USP53: variants seen among roughly 807,000 people sequenced by gnomAD.
The protein encoded by USP53 is ubiquitin specific peptidase 53, also known as ubiquitin carboxyl-terminal hydrolase 53.
USP53 carries 71 observed loss-of-function variants against 94.9 expected under a neutral mutation model. The ratio of observed to expected loss-of-function variants is 0.75; its 90% CI spans 0.62 to 0.91. USP53 has a LOEUF of 0.91. Among genes scored for constraint, USP53 ranks in the 40% least tolerant of loss-of-function variants. USP53 has a pLI of 0.00. For missense variants in USP53, 1,173 were observed against 1,281.0 expected (o/e 0.92, Z 1.29); for synonymous variants, 375 against 422.7 (o/e 0.89, Z 1.39).
intron 11 of USP53, among the ~76,000 whole-genome samples, chr4:119,260,952 T>C (rs377483851): frequency 1.7e-3 from 1 of 584 alleles, no homozygotes; most frequent in Admixed American, 0.021. Flanking sequence ...ATCTCTCTCT[T>C]TTTTTTTTTT....
rs776731183 is a variant in USP53 at position 119,267,440 on chromosome 4, G to T, written c.1093G>T (p.Val365Phe). 4 of 1,613,690 alleles carry T rather than the reference G, an allele frequency of 2.5e-6. No individual in the cohort carries two copies. The highest frequency in any genetic ancestry group is 3.4e-6 in the Non-Finnish European group (4 of 1,179,910). ...TTCTACTGAGGATGCACTCAGGCAG[G>T]TCATCAGCTGGTCACATTACAAATC... ...AVSTEDALRQ[V>F]ISWSHYKSVA... is the part of the protein sequence containing the mutation. Residue 365 changes from valine to phenylalanine, a missense_variant, in exon 13 of 19, where the codon GTC becomes TTC. Transcript: ENST00000692078.
intron 5 of USP53, among the ~76,000 whole-genome samples, chr4:119,241,452 T>C (rs866445150): frequency 1.3e-5 from 2 of 152,174 alleles, no homozygotes; most frequent in Non-Finnish European, 2.9e-5. Flanking sequence ...GAAAAAGATC[T>C]GTATTTCACC....
intron 16 of USP53, chr4:119,273,391 A>G (rs995820560): frequency 5.7e-6 from 2 of 348,640 alleles, no homozygotes; most frequent in African/African-American, 4.2e-5. Context: ...TAGTAGAAAG[A>G]TCAGGACTTT....
Position 119,292,845 on chromosome 4 carries a change from T to C in USP53, c.2856T>C (p.Phe952=), listed in dbSNP as rs1374445333. ...STPDVKLTEV[F]KATSHLPKHS... ...CTGATGTCAAACTTACAGAGGTGTT[T>C]AAAGCTACCTCTCATCTTCCGAAGC... is the stretch of plus-strand genomic sequence containing the variant. Residue 952 remains phenylalanine (F), a synonymous_variant, in exon 19 of 19, where the codon TTT becomes TTC. Transcript: ENST00000692078. The C allele has an allele frequency of 1.9e-6, 3 of 1,614,118 alleles. No homozygotes were observed. Among genetic ancestry groups the C allele is most frequent in the Non-Finnish European group, 2.5e-6 (3 of 1,179,976 alleles).
At chr4:119,236,596 C>T (rs142983747) in intron 4 of USP53, among the ~76,000 whole-genome samples, 1 of 152,244 alleles carries the variant, frequency 6.6e-6, no homozygotes, top group Non-Finnish European at 1.5e-5. Flanking sequence ...ACAATGTGCA[C>T]AGCATCTTCA....
At position 119,269,753 on chromosome 4, in the gene USP53, A is replaced by G; in HGVS notation, c.1351A>G (p.Lys451Glu). ...AGACATTTCCAGAGAATGTGCTCTG[A>G]AAGCTATTGAACAGAAAAACTTACT... is the stretch of plus-strand genomic sequence containing the variant. The part of the protein sequence containing the change: ...IKDISRECAL[K>E]AIEQKNLLSS... The change falls in exon 15 of 19, where the codon AAA (lysine) becomes GAA (glutamate). Residue 451 changes from lysine to glutamate, a missense_variant. By Grantham distance (56) the Lys-to-Glu change is moderately conservative. Coordinates refer to ENST00000692078, the MANE Select transcript of USP53 (RefSeq NM_001371395.1). The G allele has an allele frequency of 6.6e-7, 1 of 1,511,918 alleles. No individual in the cohort carries two copies. The highest frequency in any genetic ancestry group is 8.8e-7 in the Non-Finnish European group (1 of 1,131,682). 93.7% of individuals were successfully genotyped at this position (1,511,918 alleles called of 1,614,324 possible).
intron 6 of USP53, among the ~76,000 whole-genome samples, chr4:119,247,932 G>A (rs978993020): frequency 2.6e-5 from 4 of 151,742 alleles, no homozygotes; most frequent in Admixed American, 1.3e-4. Context: ...TTGCTGTAGT[G>A]AAACAGATTT....
Position 119,295,309 on chromosome 4 carries a change from CA to C in USP53, c.*2099del, listed in dbSNP as rs1755154947. On this transcript the variant is annotated 3_prime_UTR_variant, in exon 19 of 19. Transcript: ENST00000692078. ...TACAGATTGATACATATATACTAATCATTTTATTTCATGTAAAAGTTTTACA... is the reference window on the plus strand; with the variant it reads ...TACAGATTGATACATATATACTAATCTTTTATTTCATGTAAAAGTTTTACA... 1 of 151,946 alleles carries C rather than the reference CA, an allele frequency of 6.6e-6. No individual in the cohort carries two copies. The highest frequency in any genetic ancestry group is 1.5e-5 in the Non-Finnish European group (1 of 67,988). 9.4% of individuals were successfully genotyped at this position (151,946 alleles called of 1,614,324 possible). A position where few individuals can be genotyped will look rare whatever the true frequency, so the allele number is the denominator to read the frequency against.
chr4:119,292,661 T>C lies in USP53; in HGVS notation c.2672T>C (p.Phe891Ser), dbSNP rs990708460. Residue 891 changes from phenylalanine (F) to serine (S), a missense_variant, in exon 19 of 19, where the codon TTT (phenylalanine) becomes TCT (serine). Transcript: ENST00000692078. ...QQQNIMDQCY[F>S]ENSLSTECII... is the part of the protein sequence containing the mutation. ...CAAAATATCATGGATCAATGTTACT[T>C]TGAGAACTCTCTATCCACAGAATGT... 5 of 1,614,006 alleles carry C rather than the reference T, an allele frequency of 3.1e-6. No homozygotes were observed. Among genetic ancestry groups the C allele is most frequent in the Non-Finnish European group, 4.2e-6 (5 of 1,179,880 alleles).
Position 119,292,681 on chromosome 4 carries a change from G to C in USP53, c.2692G>C (p.Glu898Gln), listed in dbSNP as rs781676661. ...TTACTTTGAGAACTCTCTATCCACAGAATGTATAATTCGGTCAGCCAGCAG... is the reference window on the plus strand; with the variant it reads ...TTACTTTGAGAACTCTCTATCCACACAATGTATAATTCGGTCAGCCAGCAG... ...QCYFENSLST[E>Q]CIIRSASRSD... is the part of the protein sequence containing the mutation. The change falls in exon 19 of 19, where the codon GAA (glutamate) becomes CAA (glutamine). Residue 898 changes from glutamate (E) to glutamine (Q), a missense_variant. Transcript: ENST00000692078. 4.2e-5 allele frequency: 68 copies of C among 1,613,946 alleles called. No homozygotes were observed. The highest frequency in any genetic ancestry group is 5.3e-5 in the Non-Finnish European group (63 of 1,179,984).
intron 17 of USP53, among the ~76,000 whole-genome samples, chr4:119,289,200 T>A (rs371068058): frequency 6.6e-6 from 1 of 152,156 alleles, no homozygotes; most frequent in Admixed American, 6.6e-5. Flanking sequence ...AACAAAAAGA[T>A]GTGCAAATGA....
intron 2 of USP53, among the ~76,000 whole-genome samples, chr4:119,216,323 G>A (rs1380500394): frequency 1.3e-5 from 2 of 151,646 alleles, no homozygotes; most frequent in African/African-American, 2.4e-5. Context: ...GGAGGTTGCA[G>A]TTAGCTGAGA....
rs1169673473 is a variant in USP53, at chr4:119,271,437, G to A, written c.1577G>A (p.Arg526Gln). 3.1e-6 allele frequency: 5 copies of A among 1,613,732 alleles called. No individual in the cohort carries two copies. In the East Asian group the frequency reaches 8.9e-5, roughly 29 times the overall value. ...CATGACCGAGTTGTACCTCAGAGTC[G>A]AGCTTCTGCACAAATAATAAGTTCA... ...YKHDRVVPQS[R>Q]ASAQIISSSK... The change falls in exon 16 of 19, where the codon CGA (arginine) becomes CAA (glutamine). Residue 526 changes from arginine (R) to glutamine (Q), a missense_variant. By Grantham distance (43) the Arg-to-Gln change is conservative (BLOSUM62 1). Transcript: ENST00000692078.
Position 119,292,323 on chromosome 4 carries a change from A to G in USP53, c.2349-15A>G, listed in dbSNP as rs781219935. 2.6e-6 allele frequency: 4 copies of G among 1,548,082 alleles called. No homozygotes were observed. Among genetic ancestry groups the G allele is most frequent in the Non-Finnish European group, 3.5e-6 (4 of 1,152,554 alleles). ...CATAGGGTGTTCTAGCTTTGTTTTT[A>G]TTTTCATATTTCAGATCACATGTAC... On this transcript the variant is annotated splice_polypyrimidine_tract_variant and intron_variant, in intron 18 of 18. Transcript: ENST00000692078.
intron 3 of USP53, chr4:119,220,136 A>G (rs994565993): frequency 1.1e-4 from 16 of 152,226 alleles, no homozygotes; most frequent in Non-Finnish European, 2.2e-4. Flanking sequence ...ATATATGTTT[A>G]TAACTGCACA....
intron 5 of USP53, among the ~76,000 whole-genome samples, chr4:119,244,992 C>G (rs1007882233): frequency 1.3e-5 from 2 of 152,140 alleles, no homozygotes; most frequent in Non-Finnish European, 2.9e-5. Flanking sequence ...TAATCACTTC[C>G]TCTTTCATGT....
intron 9 of USP53, among the ~76,000 whole-genome samples, chr4:119,258,309 T>A (rs1750032477): frequency 6.6e-6 from 1 of 152,206 alleles, no homozygotes; most frequent in Non-Finnish European, 1.5e-5. Context: ...TCTAGTGTAC[T>A]CTTGAAGTGT....
At chr4:119,213,643 T>TATATATATATAG (rs1553961992) in intron 1 of USP53, among the ~76,000 whole-genome samples, 2 of 134,278 alleles carry the variant, frequency 1.5e-5, no homozygotes, top group Non-Finnish European at 3.1e-5. Context: ...TGGAAATAGA[T>TATATATATATAG]ATATATATAT....
intron 3 of USP53, among the ~76,000 whole-genome samples, chr4:119,227,657 G>A (rs1325651900): frequency 1.3e-5 from 2 of 152,104 alleles, no homozygotes; most frequent in African/African-American, 4.8e-5. Flanking sequence ...AAATTGCATA[G>A]TATTCAAAAA....
Sources: gnomAD v4.1 joint callset for allele counts (sites outside exome capture counted in the v4.1 genomes callset) on GRCh38, gnomAD v4.1.1 for gene constraint, MANE v1.5 for transcripts, NCBI Gene and HGNC (gene_info 2026-07-23, HGNC 2026-07-21) for gene names.